The following SMYD3 variants were observed in gnomAD, a reference collection of about 807,000 sequenced individuals.
The protein encoded by SMYD3 is SET and MYND domain containing 3, also known as histone-lysine N-methyltransferase SMYD3.
Under a neutral mutation model 57.7 loss-of-function variants are expected in SMYD3, and 36 were observed. That is an observed-to-expected ratio of 0.62 (90% CI 0.48 to 0.82). SMYD3 has a LOEUF of 0.82. Ranked by LOEUF, SMYD3 falls within the 40% of genes least tolerant of loss-of-function variation. The pLI is 0.00. For missense variants in SMYD3, 515 were observed against 538.8 expected (o/e 0.96, Z 0.44); for synonymous variants, 211 against 195.0 (o/e 1.08, Z -0.68).
chr1:246,058,734 A>T (rs911839439), intron 5 of SMYD3, among the ~76,000 whole-genome samples: 9 of 152,166 alleles, frequency 5.9e-5, no homozygotes, highest in Admixed American at 4.6e-4. Flanking sequence ...CAAAAGCAAA[A>T]CCATTTTTAT....
At chr1:246,400,619 C>T (rs2066752117) in intron 1 of SMYD3, among the ~76,000 whole-genome samples, 2 of 152,140 alleles carry the variant, frequency 1.3e-5, no homozygotes, top group South Asian at 4.1e-4. Context: ...ATTAATTGTG[C>T]TATTTTATGA....
At chr1:245,955,764 T>A (rs1005359148) in intron 5 of SMYD3, 5 of 190,356 alleles carry the variant, frequency 2.6e-5, no homozygotes, top group Non-Finnish European at 4.9e-5. Context: ...CTGGAATGTA[T>A]CCCCCATGGA....
intron 5 of SMYD3, among the ~76,000 whole-genome samples, chr1:246,128,575 T>C (rs1472377362): frequency 1.3e-5 from 2 of 152,210 alleles, no homozygotes; most frequent in African/African-American, 2.4e-5. Flanking sequence ...AGTTCATAGA[T>C]GAACAAACTG....
intron 1 of SMYD3, among the ~76,000 whole-genome samples, chr1:246,467,692 A>G (rs896796171): frequency 6.6e-6 from 1 of 152,232 alleles, no homozygotes; most frequent in Non-Finnish European, 1.5e-5. Flanking sequence ...CAATTAAAGA[A>G]CTAGTACTAA....
intron 11 of SMYD3, among the ~76,000 whole-genome samples, chr1:245,761,995 G>A (rs2045865875): frequency 6.6e-6 from 1 of 152,004 alleles, no homozygotes; most frequent in African/African-American, 2.4e-5. Context: ...ATGTTGGCCA[G>A]ACTGGTCTTG....
At chr1:246,361,699 A>G (rs993515331) in intron 1 of SMYD3, among the ~76,000 whole-genome samples, 26 of 152,212 alleles carry the variant, frequency 1.7e-4, no homozygotes, top group African/African-American at 5.8e-4. Context: ...TCAGGAATGG[A>G]AAACCAAACA....
chr1:246,015,887 CTGGA>C (rs59031622), intron 5 of SMYD3, among the ~76,000 whole-genome samples: 5,080 of 152,122 alleles, frequency 0.033, 288 homozygotes, highest in African/African-American at 0.12. Context: ...CGAGTACCTG[CTGGA>C]TTCCAATTTT....
At chr1:245,965,904 G>A (rs2058132795) in intron 5 of SMYD3, among the ~76,000 whole-genome samples, 1 of 152,138 alleles carries the variant, frequency 6.6e-6, no homozygotes. Context: ...ATGTGTCAAT[G>A]TAGGTTCATC....
At chr1:246,019,925 T>C (rs1236852957) in intron 5 of SMYD3, among the ~76,000 whole-genome samples, 2 of 152,242 alleles carry the variant, frequency 1.3e-5, no homozygotes, top group East Asian at 1.9e-4. Context: ...TAACAAGATA[T>C]GTAAGATATA....
chr1:246,408,395 A>G (rs879212297), intron 1 of SMYD3, among the ~76,000 whole-genome samples: 1 of 152,100 alleles, frequency 6.6e-6, no homozygotes, highest in Non-Finnish European at 1.5e-5. Context: ...CATGTTTATA[A>G]AAAGGGGTTT....
intron 5 of SMYD3, among the ~76,000 whole-genome samples, chr1:245,969,382 C>T (rs1346436435): frequency 6.6e-6 from 1 of 152,216 alleles, no homozygotes; most frequent in African/African-American, 2.4e-5. Context: ...GCCTTTGAGG[C>T]CTTAGCCAAG....
intron 5 of SMYD3, among the ~76,000 whole-genome samples, chr1:246,104,437 G>T (rs1374921934): frequency 6.6e-6 from 1 of 152,192 alleles, no homozygotes; most frequent in African/African-American, 2.4e-5. Context: ...AAAATAAAAA[G>T]AATAAGTATT....
chr1:246,103,182 C>A (rs1300537174), intron 5 of SMYD3, among the ~76,000 whole-genome samples: 1 of 152,168 alleles, frequency 6.6e-6, no homozygotes, highest in Non-Finnish European at 1.5e-5. Context: ...AGGTCTATAT[C>A]AGAAAACTGT....
At chr1:245,776,265 C>T (rs2046589009) in intron 10 of SMYD3, among the ~76,000 whole-genome samples, 8 of 152,040 alleles carry the variant, frequency 5.3e-5, no homozygotes, top group Admixed American at 5.2e-4. Context: ...TTTCTGAGTA[C>T]AAAGCCAGTT....
At chr1:246,158,381 T>C (rs1201703910) in intron 5 of SMYD3, among the ~76,000 whole-genome samples, 1 of 152,212 alleles carries the variant, frequency 6.6e-6, no homozygotes, top group East Asian at 1.9e-4. Context: ...TTGAGATATA[T>C]GTGATGGAGA....
chr1:246,227,338 G>A (rs1366960255), intron 5 of SMYD3, among the ~76,000 whole-genome samples: 4 of 152,318 alleles, frequency 2.6e-5, no homozygotes, highest in South Asian at 4.1e-4. Context: ...AACTTTGGCC[G>A]GGTGCGGCGG....
chr1:245,812,701 C>CAAAA lies in SMYD3; in HGVS notation c.1076+45791_1076+45794dup, dbSNP rs10636374. 4.1e-3 allele frequency among the ~76,000 whole-genome samples: 535 copies of CAAAA among 130,930 alleles called. 9 individuals are homozygous for CAAAA. The highest frequency in any genetic ancestry group is 0.012 in the African/African-American group (412 of 34,690). 85.9% of individuals were successfully genotyped at this position (130,930 alleles called of 152,430 possible). A position where few individuals can be genotyped will look rare whatever the true frequency, so the allele number is the denominator to read the frequency against. ...AATTCTTACTTCTAAACAACAGTTCCAAAAAAAAAAAAAAAGAGAAAGAGC... is the reference window on the plus strand; with the variant it reads ...AATTCTTACTTCTAAACAACAGTTCCAAAAAAAAAAAAAAAAAAAGAGAAAGAGC... On this transcript the variant is annotated intron_variant, in intron 10 of 11. Transcript: ENST00000490107.
intron 5 of SMYD3, among the ~76,000 whole-genome samples, chr1:246,093,103 G>A (rs960067038): frequency 5.3e-5 from 8 of 151,990 alleles, no homozygotes; most frequent in African/African-American, 1.9e-4. Context: ...TAAAAAAGAC[G>A]AAAAAGAACA....
intron 5 of SMYD3, among the ~76,000 whole-genome samples, chr1:246,042,465 C>G (rs900979519): frequency 6.6e-6 from 1 of 152,138 alleles, no homozygotes; most frequent in Admixed American, 6.6e-5. Context: ...CACAGGTTCA[C>G]ACTCCAAGCC....
Sources: allele counts gnomAD v4.1 joint callset (sites outside exome capture counted in the v4.1 genomes callset), GRCh38; gene constraint gnomAD v4.1.1; transcripts MANE v1.5; gene names NCBI Gene and HGNC (gene_info 2026-07-23, HGNC 2026-07-21).